Variants in PKHD1 observed in about 807,000 individuals in gnomAD.
PKHD1 encodes PKHD1 ciliary IPT domain containing fibrocystin/polyductin.
A neutral mutation model predicts 412.0 loss-of-function variants in PKHD1; 291 were observed. The observed-to-expected ratio is 0.71, with a 90% CI of 0.64 to 0.78. PKHD1 has a LOEUF of 0.78. Ranked by LOEUF, PKHD1 falls within the 30% of genes least tolerant of loss-of-function variation. The pLI, the probability that PKHD1 is intolerant of heterozygous loss-of-function variation, is 0.00. For synonymous variants in PKHD1, 1,777 were observed against 1,821.5 expected, an observed-to-expected ratio of 0.98 and a Z score of 0.62; for missense variants, 4,825 against 4,950.7, an observed-to-expected ratio of 0.97 and a Z score of 0.76.
intron 60 of PKHD1, among the ~76,000 whole-genome samples, chr6:51,719,482 C>T (rs1332459557): frequency 1.3e-5 from 2 of 152,172 alleles, no homozygotes; most frequent in Non-Finnish European, 2.9e-5. Flanking sequence ...CTACCCACTA[C>T]ATGCCAGTAG....
chr6:51,883,106 T>A lies in PKHD1; in HGVS notation c.7337A>T (p.His2446Leu). The A allele has an allele frequency of 6.2e-7, 1 of 1,613,430 alleles. No homozygotes were observed. Among genetic ancestry groups the A allele is most frequent in the Non-Finnish European group, 8.5e-7 (1 of 1,179,540 alleles). ...TAAGGCACTTACCTTGTGGGCAAAA[T>A]GACCAAGTAATAAGCTGTCAGTAAC... ...TSVTDSLLLG[H>L]FAHKGSLCMS... Residue 2446 changes from histidine to leucine, a missense_variant, in exon 46 of 67, where the codon CAT becomes CTT. Transcript: ENST00000371117.
intron 49 of PKHD1, among the ~76,000 whole-genome samples, chr6:51,854,502 G>A (rs777635481): frequency 2.5e-4 from 38 of 152,174 alleles, no homozygotes; most frequent in African/African-American, 8.7e-4. Context: ...CTGGGCTGCC[G>A]GGATTCCTCA....
chr6:51,791,128 C>T lies in PKHD1; in HGVS notation c.8440+108G>A, dbSNP rs1379853923. 3 of 1,110,384 alleles carry T rather than the reference C, an allele frequency of 2.7e-6. No individual in the cohort carries two copies. The African/African-American group carries it at 4.6e-5, about 17-fold the overall frequency. The allele number at this position is 1,110,384 out of a possible 1,614,324, so 68.8% of individuals were successfully genotyped here. The stretch of plus-strand genomic sequence containing the variant: ...GTGCACTCACTACTACCTTAACCCT[C>T]CCTAAACTCTGTTAAGCAACCTGCT... On this transcript the variant is annotated intron_variant, in intron 53 of 66. Coordinates refer to ENST00000371117, the MANE Select transcript of PKHD1 (RefSeq NM_138694.4).
At position 51,758,014 on chromosome 6, in the gene PKHD1, A is replaced by AAGAGAGAGAGAGAGAGAG. The variant is rs10534219; in HGVS notation, c.8643-3094_8643-3077dup. Among the ~76,000 whole-genome samples, 984 of 125,984 alleles carry AAGAGAGAGAGAGAGAGAG rather than the reference A, an allele frequency of 7.8e-3. 6 individuals are homozygous for AAGAGAGAGAGAGAGAGAG. Among genetic ancestry groups the AAGAGAGAGAGAGAGAGAG allele is most frequent in the Non-Finnish European group, 9.9e-3 (613 of 62,132 alleles). 82.7% of individuals were successfully genotyped at this position (125,984 alleles called of 152,430 possible). A position where few individuals can be genotyped will look rare whatever the true frequency, so the allele number is the denominator to read the frequency against. On this transcript the variant is annotated intron_variant, in intron 55 of 66. Transcript: ENST00000371117. ...GGGCAACAGAATGAGACCCTGCCAA[A>AAGAGAGAGAGAGAGAGAG]AGAGAGAGAGAGAGAGAGAGAGAGA...
Position 51,703,685 on chromosome 6 carries a change from C to G in PKHD1, c.10156+40700G>C, listed in dbSNP as rs184676497. On this transcript the variant is annotated intron_variant, in intron 60 of 66. Transcript: ENST00000371117. Reference sequence around the variant, plus strand: ...AGGAAACCAAAGTCTCAAGTCTCCTCTCTCCCAAGGAGGTCTGTTGTAAAC... The same window carrying G: ...AGGAAACCAAAGTCTCAAGTCTCCTGTCTCCCAAGGAGGTCTGTTGTAAAC... 1.2e-3 allele frequency among the ~76,000 whole-genome samples: 175 copies of G among 152,146 alleles called. 1 individual carries two copies. The highest frequency in any genetic ancestry group is 3.9e-3 in the African/African-American group (163 of 41,546).
chr6:52,045,997 T>C lies in PKHD1; in HGVS notation c.2592+7A>G, dbSNP rs1236604605. 18 of 1,604,952 alleles carry C rather than the reference T, an allele frequency of 1.1e-5. No homozygotes were observed. Among genetic ancestry groups the C allele is most frequent in the Non-Finnish European group, 1.4e-5 (16 of 1,171,834 alleles). ...ATCCATGCCACTAGAAGGGATACTATACATACCCTGATAAAATTGGGCAAA... is the reference window on the plus strand; with the variant it reads ...ATCCATGCCACTAGAAGGGATACTACACATACCCTGATAAAATTGGGCAAA... On this transcript the variant is annotated splice_region_variant and intron_variant, in intron 24 of 66. Transcript: ENST00000371117.
In PKHD1 at chr6:51,791,312, G is replaced by A. The variant is rs777017196; in HGVS notation, c.8364C>T (p.Thr2788=). ...TGCTTCTGTCCACAGGGAAGTCTAA[G>A]GTCCCCATCACATACAGCCCTTTGA... ...PFFKGLYVMG[T]LDFPVDRSNV... is the part of the protein sequence containing the mutation. The change falls in exon 53 of 67, where the codon ACC becomes ACT. Residue 2788 remains threonine, a synonymous_variant. Coordinates refer to ENST00000371117, the MANE Select transcript of PKHD1 (RefSeq NM_138694.4). 21 of 1,613,298 alleles carry A rather than the reference G, an allele frequency of 1.3e-5. No homozygotes were observed. In the African/African-American group the frequency reaches 2.8e-4, roughly 22 times the overall value.
chr6:51,822,773 T>C (rs1245220254), intron 52 of PKHD1, among the ~76,000 whole-genome samples: 1 of 152,172 alleles, frequency 6.6e-6, no homozygotes, highest in Non-Finnish European at 1.5e-5. Flanking sequence ...TCTATTTCTA[T>C]TGATGGTACC....
chr6:52,067,358 A>G (rs112510514), intron 11 of PKHD1, among the ~76,000 whole-genome samples: 2,427 of 152,352 alleles, frequency 0.016, 63 homozygotes, highest in African/African-American at 0.055. Flanking sequence ...CAGATCAAAA[A>G]CAAAATTTAT....
At chr6:51,873,412 G>C (rs908804217) in intron 46 of PKHD1, among the ~76,000 whole-genome samples, 1 of 152,206 alleles carries the variant, frequency 6.6e-6, no homozygotes, top group Non-Finnish European at 1.5e-5. Context: ...AGAGGCTTTA[G>C]AGGAGCTGAT....
chr6:52,037,032 T>G (rs2128171641), intron 27 of PKHD1, among the ~76,000 whole-genome samples: 1 of 152,268 alleles, frequency 6.6e-6, no homozygotes, highest in Non-Finnish European at 1.5e-5. Context: ...TCTTATACAG[T>G]AACTATGGTA....
chr6:51,913,522 A>G (rs1783303407), intron 37 of PKHD1, among the ~76,000 whole-genome samples: 1 of 152,132 alleles, frequency 6.6e-6, no homozygotes, highest in Admixed American at 6.6e-5. Context: ...TGAATACTTC[A>G]GAAAACACAT....
chr6:51,744,487 A>G lies in PKHD1; in HGVS notation c.10054T>C (p.Tyr3352His). The G allele has an allele frequency of 6.2e-7, 1 of 1,613,152 alleles. No homozygotes were observed. The highest frequency in any genetic ancestry group is 8.5e-7 in the Non-Finnish European group (1 of 1,179,162). The change falls in exon 60 of 67, where the codon TAT (tyrosine) becomes CAT (histidine). Residue 3352 changes from tyrosine (Y) to histidine (H), a missense_variant. Coordinates refer to ENST00000371117, the MANE Select transcript of PKHD1 (RefSeq NM_138694.4). Reference protein sequence around the residue: ...PELDCASPRKYLFKDLDGRAL... With the variant: ...PELDCASPRKHLFKDLDGRAL... ...CTCCCATCCAGATCCTTGAAGAGATATTTTCTTGGACTTGCACAGTCTAAT... is the reference window on the plus strand; with the variant it reads ...CTCCCATCCAGATCCTTGAAGAGATGTTTTCTTGGACTTGCACAGTCTAAT...
At chr6:51,721,243 T>A in intron 60 of PKHD1, 1 of 949,038 alleles carries the variant, frequency 1.1e-6, no homozygotes. Context: ...AAATGGGTTA[T>A]CTTTACCACA....
chr6:51,839,157 G>A (rs1172489532), intron 50 of PKHD1, among the ~76,000 whole-genome samples: 2 of 152,196 alleles, frequency 1.3e-5, no homozygotes, highest in Admixed American at 6.5e-5. Flanking sequence ...AACTGTAAAT[G>A]TGAAGTGTCA....
chr6:51,823,646 T>C (rs1248702422), intron 52 of PKHD1, among the ~76,000 whole-genome samples: 2 of 152,274 alleles, frequency 1.3e-5, no homozygotes, highest in East Asian at 3.9e-4. Context: ...TCTCAACCTA[T>C]TTCAATATAT....
chr6:51,895,910 G>A (rs570081961), intron 43 of PKHD1, among the ~76,000 whole-genome samples: 6 of 151,866 alleles, frequency 4.0e-5, no homozygotes, highest in East Asian at 3.9e-4. Context: ...GGTGATGGAC[G>A]GCACCTGGAA....
At chr6:51,763,191 C>G (rs1582534024) in intron 55 of PKHD1, among the ~76,000 whole-genome samples, 2 of 152,134 alleles carry the variant, frequency 1.3e-5, no homozygotes, top group Admixed American at 1.3e-4. Flanking sequence ...GGAACATTTA[C>G]TTAACTTCTC....
chr6:52,015,456 C>T (rs1800400707), intron 34 of PKHD1, among the ~76,000 whole-genome samples: 1 of 152,190 alleles, frequency 6.6e-6, no homozygotes, highest in Non-Finnish European at 1.5e-5. Flanking sequence ...CTGCCAGTTT[C>T]CCCCACTCTC....
Sources: allele counts gnomAD v4.1 joint callset (sites outside exome capture counted in the v4.1 genomes callset), GRCh38; gene constraint gnomAD v4.1.1; transcripts MANE v1.5; gene names NCBI Gene and HGNC (gene_info 2026-07-23, HGNC 2026-07-21).